Variants in MUCL1 observed in about 807,000 individuals in gnomAD.
The protein encoded by MUCL1 is mucin-like protein 1.
Under a neutral mutation model 9.2 loss-of-function variants are expected in MUCL1, and 11 were observed. That is an observed-to-expected ratio of 1.19 (90% CI 0.75 to 1.97). MUCL1 has a LOEUF of 1.97. Ranked by LOEUF, MUCL1 falls within the 30% of genes most tolerant of loss-of-function variation. The pLI is 0.00. For missense variants in MUCL1, 144 were observed against 110.9 expected (o/e 1.30, Z -1.34); for synonymous variants, 48 against 40.5 (o/e 1.19, Z -0.71).
upstream of MUCL1, among the ~76,000 whole-genome samples, chr12:54,838,776 C>A (rs375949881): frequency 1.3e-5 from 2 of 151,988 alleles, no homozygotes; most frequent in East Asian, 3.8e-4. Context: ...AGTTCTGATT[C>A]GTTTTTCTTT....
chr12:54,835,824 G>A (rs979277280), upstream of MUCL1, among the ~76,000 whole-genome samples: 6 of 151,976 alleles, frequency 3.9e-5, no homozygotes, highest in South Asian at 2.1e-4. Flanking sequence ...TTCTGTGTCC[G>A]TTGAGATGAT....
intron 1 of MUCL1, among the ~76,000 whole-genome samples, chr12:54,845,762 C>T (rs1234092410): frequency 6.6e-6 from 1 of 152,124 alleles, no homozygotes; most frequent in Non-Finnish European, 1.5e-5. Context: ...TTCTGTACTG[C>T]TAAATATTTA....
chr12:54,852,617 T>C (rs1275317386), upstream of MUCL1, among the ~76,000 whole-genome samples: 2 of 152,184 alleles, frequency 1.3e-5, no homozygotes, highest in Non-Finnish European at 2.9e-5. Context: ...AACTGATACA[T>C]ATGTTTAATC....
upstream of MUCL1, among the ~76,000 whole-genome samples, chr12:54,835,220 C>T (rs1379526783): frequency 9.2e-5 from 14 of 152,060 alleles, no homozygotes; most frequent in African/African-American, 3.4e-4. Flanking sequence ...TAAACATATA[C>T]ACGTATGTGT....
At chr12:54,846,995 T>G (rs1336557421) in intron 1 of MUCL1, among the ~76,000 whole-genome samples, 1 of 152,196 alleles carries the variant, frequency 6.6e-6, no homozygotes, top group African/African-American at 2.4e-5. Flanking sequence ...TGCCTACCCT[T>G]TCACAGCCTG....
upstream of MUCL1, among the ~76,000 whole-genome samples, chr12:54,849,705 C>G (rs1448748300): frequency 6.6e-6 from 1 of 151,812 alleles, no homozygotes; most frequent in East Asian, 1.9e-4. Flanking sequence ...ATAACATGCC[C>G]TATATATAAT....
At chr12:54,839,703 A>C (rs1959200939) in intron 1 of MUCL1, among the ~76,000 whole-genome samples, 1 of 151,986 alleles carries the variant, frequency 6.6e-6, no homozygotes. Flanking sequence ...GATTGTGACT[A>C]CTCCTTGTGG....
intron 2 of MUCL1, among the ~76,000 whole-genome samples, chr12:54,856,404 G>A (rs1166705859): frequency 6.6e-6 from 1 of 152,122 alleles, no homozygotes; most frequent in Admixed American, 6.6e-5. Flanking sequence ...GTTATTCTGT[G>A]GGACGGCTTC....
At chr12:54,845,126 A>G (rs1959237318) in intron 1 of MUCL1, among the ~76,000 whole-genome samples, 1 of 152,226 alleles carries the variant, frequency 6.6e-6, no homozygotes, top group Non-Finnish European at 1.5e-5. Flanking sequence ...GAATGCCCAC[A>G]CATGGCCTTT....
rs1309339492 is a variant in MUCL1, at chr12:54,854,712, G to C, written c.58+72G>C. ...TAAAATATCTCCTCTAAAGATGTGG[G>C]CTTATGGTTGCTTAGAATGTGCTTT... On this transcript the variant is annotated intron_variant, in intron 1 of 3. Transcript: ENST00000308796. 2.1e-5 allele frequency: 29 copies of C among 1,353,936 alleles called. No homozygotes were observed. In the South Asian group the frequency reaches 3.5e-4, roughly 16 times the overall value. 83.9% of individuals were successfully genotyped at this position (1,353,936 alleles called of 1,614,324 possible).
At chr12:54,855,701 A>C (rs1225841480) in intron 2 of MUCL1, among the ~76,000 whole-genome samples, 1 of 152,206 alleles carries the variant, frequency 6.6e-6, no homozygotes, top group Non-Finnish European at 1.5e-5. Context: ...AAGGTGGTAG[A>C]CCAAAGCCTT....
chr12:54,850,423 C>T (rs1026399223), upstream of MUCL1, among the ~76,000 whole-genome samples: 1 of 150,394 alleles, frequency 6.6e-6, no homozygotes, highest in African/African-American at 2.5e-5. Flanking sequence ...GGTTTTTTGT[C>T]CTTGCGATGG....
chr12:54,856,858 C>T lies in MUCL1; in HGVS notation c.189C>T (p.Thr63=), dbSNP rs566608120. 59 of 1,612,788 alleles carry T rather than the reference C, an allele frequency of 3.7e-5. No homozygotes were observed. In the Admixed American group the frequency reaches 5.2e-4, roughly 14 times the overall value. Residue 63 remains threonine, a synonymous_variant, in exon 3 of 4, where the codon ACC becomes ACT. Coordinates refer to ENST00000308796, the MANE Select transcript of MUCL1 (RefSeq NM_058173.3). ...ATTAAPTTAT[T]AASTTARKDI... ...CTGCTGCTCCTACCACTGCAACCAC[C>T]GCTGCTTCTACCACTGCTCGTAAAG...
At position 54,854,637 on chromosome 12, in the gene MUCL1, G is replaced by C. The variant is rs766060562; in HGVS notation, c.55G>C (p.Ala19Pro). The C allele has an allele frequency of 1.2e-6, 2 of 1,612,496 alleles. No homozygotes were observed. The highest frequency in any genetic ancestry group is 1.7e-6 in the Non-Finnish European group (2 of 1,178,960). ...LLGVSIFLVS[A>P]QNPTTAAPAD... is the part of the protein sequence containing the mutation. The stretch of plus-strand genomic sequence containing the variant: ...GGGAGTTTCCATCTTTCTGGTCTCT[G>C]CCCGTAAGTAAAGATTCTTACCTGA... Residue 19 changes from alanine (A) to proline (P), a missense_variant, in exon 1 of 4, where the codon GCC becomes CCC. By Grantham distance (27) the Ala-to-Pro change is conservative. Transcript: ENST00000308796.
chr12:54,852,902 C>T (rs957967237), upstream of MUCL1, among the ~76,000 whole-genome samples: 1 of 151,876 alleles, frequency 6.6e-6, no homozygotes, highest in Non-Finnish European at 1.5e-5. Flanking sequence ...TTTTTCTTAG[C>T]GTTATTTATG....
upstream of MUCL1, among the ~76,000 whole-genome samples, chr12:54,850,301 C>T (rs984849317): frequency 1.5e-4 from 20 of 133,490 alleles, no homozygotes; most frequent in African/African-American, 6.1e-4. Flanking sequence ...TAATGCTATC[C>T]CTCCCCCCTC....
intron 1 of MUCL1, among the ~76,000 whole-genome samples, chr12:54,841,700 T>C (rs958227740): frequency 5.3e-5 from 8 of 152,214 alleles, no homozygotes; most frequent in Admixed American, 3.3e-4. Flanking sequence ...CTATTAGTAT[T>C]TTTAGTTGTT....
intron 1 of MUCL1, among the ~76,000 whole-genome samples, chr12:54,844,988 G>A (rs547622928): frequency 1.5e-5 from 2 of 135,460 alleles, no homozygotes; most frequent in African/African-American, 5.1e-5. Context: ...TCTTGACTAT[G>A]TATGAGGCAC....
chr12:54,849,739 T>C (rs1214516821), upstream of MUCL1, among the ~76,000 whole-genome samples: 1 of 152,072 alleles, frequency 6.6e-6, no homozygotes, highest in East Asian at 1.9e-4. Context: ...ATGAACAAAT[T>C]TGGTGTTAGA....
Sources: gnomAD v4.1 joint callset for allele counts (sites outside exome capture counted in the v4.1 genomes callset) on GRCh38, gnomAD v4.1.1 for gene constraint, MANE v1.5 for transcripts, NCBI Gene and HGNC (gene_info 2026-07-23, HGNC 2026-07-21) for gene names.